FAM163B: variants seen among roughly 807,000 people sequenced by gnomAD.
The protein encoded by FAM163B is family with sequence similarity 163 member B.
In FAM163B, 4 loss-of-function variants were observed where a neutral mutation model predicts 7.6. The ratio of observed to expected loss-of-function variants is 0.52; its 90% CI spans 0.26 to 1.20. The LOEUF is 1.20. Among genes scored for constraint, FAM163B ranks in the 50% most tolerant of loss-of-function variants. The pLI, the probability that FAM163B is intolerant of heterozygous loss-of-function variation, is 0.14. For synonymous variants in FAM163B, 120 were observed against 111.6 expected, an observed-to-expected ratio of 1.07 and a Z score of -0.47; for missense variants, 250 against 243.0, an observed-to-expected ratio of 1.03 and a Z score of -0.19.
chr9:133,588,176 A>C (rs2131231682), intron 1 of FAM163B, among the ~76,000 whole-genome samples: 1 of 152,290 alleles, frequency 6.6e-6, no homozygotes. Context: ...CTGTTCAAAA[A>C]TCACTGACCA....
rs1331071356 is a variant in FAM163B, at chr9:133,601,589, C to A, written c.-24+7488G>T. Among the ~76,000 whole-genome samples the A allele has an allele frequency of 6.6e-6, 1 of 152,192 alleles. No homozygotes were observed. The highest frequency in any genetic ancestry group is 1.5e-5 in the Non-Finnish European group (1 of 68,038). On this transcript the variant is annotated intron_variant, in intron 1 of 2. Coordinates refer to ENST00000673969, the MANE Select transcript of FAM163B (RefSeq NM_001080515.3). This position sits in a 1 kb window ranked among gnomAD's most constrained non-coding sequence, Gnocchi z 4.1. ...CCACATGGGTCAGACGCAGCTACCC[C>A]CCGGACTGCTCCTACACGCTGGCTT...
At chr9:133,592,532 C>T (rs953517428) in intron 1 of FAM163B, among the ~76,000 whole-genome samples, 2 of 152,190 alleles carry the variant, frequency 1.3e-5, no homozygotes, top group African/African-American at 2.4e-5. Context: ...GAGGGGCTCA[C>T]ACAAGAAGGG....
At position 133,600,097 on chromosome 9, in the gene FAM163B, C is replaced by T. The variant is rs941520174; in HGVS notation, c.-24+8980G>A. 6.9e-6 allele frequency among the ~76,000 whole-genome samples: 1 copy of T among 144,626 alleles called. No homozygotes were observed. The highest frequency in any genetic ancestry group is 1.5e-5 in the Non-Finnish European group (1 of 66,314). 94.9% of individuals were successfully genotyped at this position (144,626 alleles called of 152,430 possible). On this transcript the variant is annotated intron_variant, in intron 1 of 2. Coordinates refer to ENST00000673969, the MANE Select transcript of FAM163B (RefSeq NM_001080515.3). The surrounding 1 kb of genome is among the most constrained non-coding windows in gnomAD (Gnocchi z 4.9). ...TGTGTGTGTCTGTGTGCATGTGTGC[C>T]TCTGAATGTGTGTGGTCTATGTGTA... is the stretch of plus-strand genomic sequence containing the variant.
chr9:133,580,030 C>T (rs111879667), intron 2 of FAM163B, 101 bp downstream of exon 2: 146,603 of 967,320 alleles, frequency 0.15, 12,758 homozygotes, highest in Non-Finnish European at 0.19. Context: ...CCCCACTTCC[C>T]GGGCCGTGAC....
intron 1 of FAM163B, among the ~76,000 whole-genome samples, chr9:133,596,245 T>TGA (rs34754345): frequency 0.78 from 118,925 of 151,834 alleles, 47,350 homozygotes; most frequent in African/African-American, 0.93. Context: ...CGGGCGGCTG[T>TGA]GCGGGGAGCC....
chr9:133,606,847 G>A lies in FAM163B; in HGVS notation c.-24+2230C>T, dbSNP rs532789790. Among the ~76,000 whole-genome samples, 1 of 152,154 alleles carries A rather than the reference G, an allele frequency of 6.6e-6. No homozygotes were observed. Among genetic ancestry groups the A allele is most frequent in the Non-Finnish European group, 1.5e-5 (1 of 68,020 alleles). Reference sequence around the variant, plus strand: ...CTCCCGAGTGCTGTAATTATTCCTCGCTGGAGCCCGCTGCCATGAGGCTGC... The same window carrying A: ...CTCCCGAGTGCTGTAATTATTCCTCACTGGAGCCCGCTGCCATGAGGCTGC... On this transcript the variant is annotated intron_variant, in intron 1 of 2. Transcript: ENST00000673969. This position sits in a 1 kb window ranked among gnomAD's most constrained non-coding sequence, Gnocchi z 4.0.
intron 1 of FAM163B, among the ~76,000 whole-genome samples, chr9:133,585,200 C>T (rs111875225): frequency 0.065 from 9,973 of 152,280 alleles, 452 homozygotes; most frequent in Non-Finnish European, 0.11. Flanking sequence ...GCACCGGCAC[C>T]GAGGAATGAA....
chr9:133,585,011 C>A (rs62575374), intron 1 of FAM163B, among the ~76,000 whole-genome samples: 49,535 of 152,228 alleles, frequency 0.33, 9,304 homozygotes, highest in African/African-American at 0.52. Context: ...GTTCCCACCC[C>A]GGGTTTTTAC....
chr9:133,585,778 C>T (rs1831427187), intron 1 of FAM163B, among the ~76,000 whole-genome samples: 1 of 152,232 alleles, frequency 6.6e-6, no homozygotes, highest in Non-Finnish European at 1.5e-5. Flanking sequence ...GCGCCCTCCA[C>T]TTCCAGATGG....
rs1340207107 is a variant in FAM163B, at chr9:133,606,638, T to G, written c.-24+2439A>C. On this transcript the variant is annotated intron_variant, in intron 1 of 2. Transcript: ENST00000673969. This position sits in a 1 kb window ranked among gnomAD's most constrained non-coding sequence, Gnocchi z 4.0. ...GGTCTGGCCTGGAAACCACTCTCTCTGCCACACAAATTGCCATTTTACCAA... is the reference window on the plus strand; with the variant it reads ...GGTCTGGCCTGGAAACCACTCTCTCGGCCACACAAATTGCCATTTTACCAA... Among the ~76,000 whole-genome samples the G allele has an allele frequency of 6.6e-6, 1 of 152,218 alleles. No individual in the cohort carries two copies. Among genetic ancestry groups the G allele is most frequent in the East Asian group, 1.9e-4 (1 of 5,190 alleles).
At chr9:133,588,643 A>AT (rs1831484726) in intron 1 of FAM163B, among the ~76,000 whole-genome samples, 7 of 19,242 alleles carry the variant, frequency 3.6e-4, no homozygotes, top group Admixed American at 5.0e-4. Flanking sequence ...GGGATCTAGC[A>AT]GGTTGAAGGA....
In FAM163B at chr9:133,577,489, C is replaced by T. The variant is rs1229287506; in HGVS notation, c.*1533G>A. On this transcript the variant is annotated 3_prime_UTR_variant, in exon 3 of 3. Coordinates refer to ENST00000673969, the MANE Select transcript of FAM163B (RefSeq NM_001080515.3). The stretch of plus-strand genomic sequence containing the variant: ...ATTGTGACTTCGTCAGCCGTTCCCC[C>T]GACGCCTCTGGAAACTGGCCATTTC... Among the ~76,000 whole-genome samples the T allele has an allele frequency of 2.5e-4, 38 of 152,370 alleles. No individual in the cohort carries two copies. Among genetic ancestry groups the T allele is most frequent in the African/African-American group, 7.9e-4 (33 of 41,590 alleles).
At chr9:133,585,449 CTTAT>C (rs1831420779) in intron 1 of FAM163B, among the ~76,000 whole-genome samples, 1 of 152,260 alleles carries the variant, frequency 6.6e-6, no homozygotes, top group Non-Finnish European at 1.5e-5. Context: ...CCCTCCAGAG[CTTAT>C]TTATTTTGTG....
chr9:133,591,735 A>G (rs1335131662), intron 1 of FAM163B, among the ~76,000 whole-genome samples: 1 of 152,134 alleles, frequency 6.6e-6, no homozygotes, highest in Admixed American at 6.5e-5. Flanking sequence ...CACTGTCCCG[A>G]AGGATGGCCC....
intron 1 of FAM163B, among the ~76,000 whole-genome samples, chr9:133,599,188 C>T (rs977004957): frequency 2.6e-5 from 4 of 152,214 alleles, no homozygotes; most frequent in Middle Eastern, 3.2e-3. Flanking sequence ...TTCGCCTCTG[C>T]CTCCTGGCCT....
At position 133,579,454 on chromosome 9, in the gene FAM163B, T is replaced by C. The variant is rs1352615683; in HGVS notation, c.94-25A>G. 16 of 1,552,316 alleles carry C rather than the reference T, an allele frequency of 1.0e-5. No individual in the cohort carries two copies. In the Admixed American group the frequency reaches 2.6e-4, roughly 25 times the overall value. On this transcript the variant is annotated intron_variant, in intron 2 of 2. Coordinates refer to ENST00000673969, the MANE Select transcript of FAM163B (RefSeq NM_001080515.3). ...ACTGCGGGCAGAGGGACGGTGACCA[T>C]GCGGCCGCCCGCTCCCACCCCAGAA...
chr9:133,592,570 A>C (rs1831570395), intron 1 of FAM163B, among the ~76,000 whole-genome samples: 1 of 152,136 alleles, frequency 6.6e-6, no homozygotes, highest in East Asian at 1.9e-4. Context: ...TGCGCCAGTG[A>C]ACATTGCCCT....
At position 133,590,856 on chromosome 9, in the gene FAM163B, G is replaced by C. The variant is rs368205146; in HGVS notation, c.-23-10610C>G. On this transcript the variant is annotated intron_variant, in intron 1 of 2. Coordinates refer to ENST00000673969, the MANE Select transcript of FAM163B (RefSeq NM_001080515.3). The stretch of plus-strand genomic sequence containing the variant: ...AAGGGGCCGACAGAACAGCATTCTC[G>C]GTCAGGACATGGGACACATGGGGCC... Among the ~76,000 whole-genome samples, 17 of 152,332 alleles carry C rather than the reference G, an allele frequency of 1.1e-4. 1 individual carries two copies. The highest frequency in any genetic ancestry group is 4.1e-4 in the African/African-American group (17 of 41,592).
intron 1 of FAM163B, among the ~76,000 whole-genome samples, chr9:133,599,799 CTG>C (rs1418017393): frequency 1.4e-5 from 2 of 145,548 alleles, no homozygotes; most frequent in East Asian, 2.1e-4. Flanking sequence ...TGCATGTGAT[CTG>C]TGTGCATGTG....
Sources: allele counts gnomAD v4.1 joint callset (sites outside exome capture counted in the v4.1 genomes callset), GRCh38; gene constraint gnomAD v4.1.1; non-coding constraint Gnocchi (gnomAD v3.1); transcripts MANE v1.5; gene names NCBI Gene and HGNC (gene_info 2026-07-23, HGNC 2026-07-21).